Variants in BAHCC1 observed in about 807,000 individuals in gnomAD.
BAHCC1 encodes BAH and coiled-coil domain-containing protein 1.
BAHCC1 carries 43 observed loss-of-function variants against 88.2 expected under a neutral mutation model. That is an observed-to-expected ratio of 0.49 (90% CI 0.38 to 0.63). The LOEUF is 0.63. Ranked by LOEUF, BAHCC1 falls within the 20% of genes least tolerant of loss-of-function variation. The pLI is 0.00. For synonymous variants in BAHCC1, 1,510 were observed against 745.5 expected (o/e 2.03, Z -16.71); for missense variants, 3,023 against 1,654.8 (o/e 1.83, Z -14.34).
chr17:81,458,376 C>T lies in BAHCC1; in HGVS notation c.5253C>T (p.Ala1751=). Residue 1751 remains alanine, a synonymous_variant, in exon 18 of 28, where the codon GCC becomes GCT. Coordinates refer to ENST00000675386, the MANE Select transcript of BAHCC1 (RefSeq NM_001377448.1). ...ACGCCCTCTTCAACCCCTCTCGGGC[C>T]TTCGCCTGCCGTGAGGAGGGCAGCC... The part of the protein sequence containing the change: ...SRDALFNPSR[A]FACREEGSQL... The T allele has an allele frequency of 4.1e-6, 3 of 724,568 alleles. No individual in the cohort carries two copies. Among genetic ancestry groups the T allele is most frequent in the South Asian group, 2.9e-5 (2 of 68,196 alleles). 44.9% of individuals were successfully genotyped at this position (724,568 alleles called of 1,614,324 possible).
At chr17:81,424,251 T>C (rs575487677) in intron 2 of BAHCC1, among the ~76,000 whole-genome samples, 1 of 152,336 alleles carries the variant, frequency 6.6e-6, no homozygotes, top group African/African-American at 2.4e-5. Context: ...CAGTGCTGCC[T>C]GGAGGGGCCG....
At position 81,444,586 on chromosome 17, in the gene BAHCC1, G is replaced by C; in HGVS notation, c.2512+18G>C. The C allele has an allele frequency of 1.4e-6, 1 of 738,266 alleles. No homozygotes were observed. 45.7% of individuals were successfully genotyped at this position (738,266 alleles called of 1,614,324 possible). On this transcript the variant is annotated intron_variant, in intron 7 of 27. Coordinates refer to ENST00000675386, the MANE Select transcript of BAHCC1 (RefSeq NM_001377448.1). ...CTCCTACGGTCAGTGATCCAAGGGC[G>C]GGGGCTGGCCTGGGGCTGATGAGGG...
chr17:81,406,620 C>T (rs544868397), intron 2 of BAHCC1, among the ~76,000 whole-genome samples: 12 of 152,238 alleles, frequency 7.9e-5, no homozygotes, highest in African/African-American at 2.9e-4. Context: ...GGATAATATA[C>T]CGTTTCGCTC....
intron 2 of BAHCC1, among the ~76,000 whole-genome samples, chr17:81,410,364 A>G (rs1254346290): frequency 1.3e-5 from 2 of 152,154 alleles, no homozygotes; most frequent in East Asian, 3.9e-4. Context: ...GTGTCCATCG[A>G]GGGATTCTGT....
chr17:81,399,146 T>TGTGTGTGTGTGC lies in BAHCC1; in HGVS notation c.-206-381_-206-380insTGTGCGTGTGTG, dbSNP rs1439091217. 2.9e-5 allele frequency: 11 copies of TGTGTGTGTGTGC among 378,252 alleles called. No individual in the cohort carries two copies. The highest frequency in any genetic ancestry group is 4.8e-4 in the Middle Eastern group (1 of 2,074). 23.4% of individuals were successfully genotyped at this position (378,252 alleles called of 1,614,324 possible). ...GCGTGTGAGTGTGTGTGTGTGTGTG[T>TGTGTGTGTGTGC]GTGTGTGCGAGTGTGCGTGATGGCT... On this transcript the variant is annotated intron_variant, in intron 1 of 27. Transcript: ENST00000675386. The surrounding 1 kb of genome is among the most constrained non-coding windows in gnomAD (Gnocchi z 4.5).
chr17:81,460,128 G>C, intron 23 of BAHCC1, 149 bp from the exon 24 acceptor site: 1 of 617,952 alleles, frequency 1.6e-6, no homozygotes, highest in Non-Finnish European at 2.9e-6. Flanking sequence ...CCGCTCCTGG[G>C]CTGCAGGGCG....
chr17:81,445,261 C>T lies in BAHCC1; in HGVS notation c.2835+83C>T. 2 of 720,782 alleles carry T rather than the reference C, an allele frequency of 2.8e-6. 1 individual carries two copies. Among genetic ancestry groups the T allele is most frequent in the South Asian group, 2.9e-5 (2 of 68,128 alleles). The allele number at this position is 720,782 out of a possible 1,614,324, so 44.6% of individuals were successfully genotyped here. On this transcript the variant is annotated intron_variant, in intron 9 of 27. Transcript: ENST00000675386. ...CGGACCTGGCTCCAGGAGACCCCTGCATGCCTGGCCTCTGGCAGGATGAAC... is the reference window on the plus strand; with the variant it reads ...CGGACCTGGCTCCAGGAGACCCCTGTATGCCTGGCCTCTGGCAGGATGAAC...
At chr17:81,452,536 A>G (rs561689100) in intron 13 of BAHCC1, among the ~76,000 whole-genome samples, 187 bp from the exon 14 acceptor site, 3 of 139,080 alleles carry the variant, frequency 2.2e-5, no homozygotes, top group Admixed American at 2.1e-4. Flanking sequence ...GGATGGTAGG[A>G]GGTGGGGGCG....
Position 81,447,592 on chromosome 17 carries a change from AGAG to A in BAHCC1, c.3726_3728del (p.Glu1242del), listed in dbSNP as rs782782149. 6.6e-6 allele frequency: 5 copies of A among 753,392 alleles called. No homozygotes were observed. The highest frequency in any genetic ancestry group is 1.8e-5 in the Admixed American group (1 of 54,814). 46.7% of individuals were successfully genotyped at this position (753,392 alleles called of 1,614,324 possible). ...TGGGGCAGCAGAGCATGGAGGACTCAGAGGAGGACTGTGGCGGAGCTCCCGACA... is the reference window on the plus strand; with the variant it reads ...TGGGGCAGCAGAGCATGGAGGACTCAGAGGACTGTGGCGGAGCTCCCGACA... On this transcript the variant is annotated inframe_deletion, in exon 11 of 28. Transcript: ENST00000675386.
chr17:81,421,992 G>A (rs571808719), intron 2 of BAHCC1: 1 of 381,278 alleles, frequency 2.6e-6, no homozygotes, highest in African/African-American at 2.2e-5. Context: ...CGGGGTCTCG[G>A]GTGACTCCGC....
intron 11 of BAHCC1, among the ~76,000 whole-genome samples, chr17:81,450,720 C>T (rs533576121): frequency 4.0e-4 from 61 of 152,282 alleles, no homozygotes; most frequent in African/African-American, 1.4e-3. Flanking sequence ...TGAGAAGGGT[C>T]ACAGCAGATG....
At position 81,433,077 on chromosome 17, in the gene BAHCC1, G is replaced by A. The variant is rs946011478; in HGVS notation, c.359-5293G>A. Reference sequence around the variant, plus strand: ...GGAACAGATGGAGCTGGCCCGGCCCGCCCCTGAGGCAGCTGTGGGTCACCA... The same window carrying A: ...GGAACAGATGGAGCTGGCCCGGCCCACCCCTGAGGCAGCTGTGGGTCACCA... On this transcript the variant is annotated intron_variant, in intron 3 of 27. Transcript: ENST00000675386. Among the ~76,000 whole-genome samples the A allele has an allele frequency of 9.9e-5, 15 of 151,072 alleles. No homozygotes were observed. The East Asian group carries it at 1.8e-3, about 18-fold the overall frequency.
intron 2 of BAHCC1, among the ~76,000 whole-genome samples, chr17:81,403,919 G>GA (rs2063848597): frequency 6.6e-6 from 1 of 152,232 alleles, no homozygotes; most frequent in Non-Finnish European, 1.5e-5. Context: ...CTGCCACCAC[G>GA]TCTGATTATC....
intron 2 of BAHCC1, chr17:81,402,053 C>T (rs1191645082): frequency 1.3e-5 from 2 of 152,334 alleles, no homozygotes; most frequent in African/African-American, 4.8e-5. Context: ...TGGCCTGTGT[C>T]CTCCCTGCTT....
chr17:81,443,284 G>A lies in BAHCC1; in HGVS notation c.1935G>A (p.Val645=), dbSNP rs1368772011. Reference sequence around the variant, plus strand: ...TCAAATACAGCAGCCAGGCCCTGGTGGTGGGCCAGAAAGCACCCTTGGTGG... The same window carrying A: ...TCAAATACAGCAGCCAGGCCCTGGTAGTGGGCCAGAAAGCACCCTTGGTGG... ...NLLKYSSQAL[V]VGQKAPLVGL... Residue 645 remains valine (V), a synonymous_variant, in exon 5 of 28, where the codon GTG becomes GTA. Transcript: ENST00000675386. 1 of 779,518 alleles carries A rather than the reference G, an allele frequency of 1.3e-6. No homozygotes were observed. The highest frequency in any genetic ancestry group is 2.4e-5 in the East Asian group (1 of 41,254). The allele number at this position is 779,518 out of a possible 1,614,324, so 48.3% of individuals were successfully genotyped here. A position where few individuals can be genotyped will look rare whatever the true frequency, so the allele number is the denominator to read the frequency against.
At chr17:81,397,332 G>A (rs1311416271) in intron 1 of BAHCC1, among the ~76,000 whole-genome samples, 1 of 150,512 alleles carries the variant, frequency 6.6e-6, no homozygotes, top group African/African-American at 2.4e-5. Flanking sequence ...TCGTAGCCGA[G>A]CCCGCGTCCC....
intron 2 of BAHCC1, among the ~76,000 whole-genome samples, chr17:81,410,285 C>A (rs1453274875): frequency 6.6e-6 from 1 of 152,160 alleles, no homozygotes; most frequent in Non-Finnish European, 1.5e-5. Context: ...GTGGGGCCTC[C>A]CCCCTGGGCA....
intron 3 of BAHCC1, among the ~76,000 whole-genome samples, chr17:81,427,254 C>G (rs1598473902): frequency 1.3e-5 from 2 of 152,192 alleles, no homozygotes; most frequent in Admixed American, 1.3e-4. Flanking sequence ...CCAGGAGGGG[C>G]TCTGGGGAGC....
Position 81,445,621 on chromosome 17 carries a change from G to A in BAHCC1, c.3103G>A (p.Ala1035Thr), listed in dbSNP as rs368906845. 1.1e-3 allele frequency: 815 copies of A among 732,424 alleles called. 8 individuals carry two copies. The highest frequency in any genetic ancestry group is 7.6e-3 in the South Asian group (521 of 68,450). 45.4% of individuals were successfully genotyped at this position (732,424 alleles called of 1,614,324 possible). A position where few individuals can be genotyped will look rare whatever the true frequency, so the allele number is the denominator to read the frequency against. Residue 1035 changes from alanine (A) to threonine (T), a missense_variant, in exon 10 of 28, where the codon GCC becomes ACC. Coordinates refer to ENST00000675386, the MANE Select transcript of BAHCC1 (RefSeq NM_001377448.1). ...CGGGCCTGGCTCCCGGGTGCGCAGC[G>A]CCGAGGAAAAGAATGGGGAGGGTCA... is the stretch of plus-strand genomic sequence containing the variant. ...SPGPGSRVRS[A>T]EEKNGEGQQS...
Sources: gnomAD v4.1 joint callset for allele counts (sites outside exome capture counted in the v4.1 genomes callset) on GRCh38, gnomAD v4.1.1 for gene constraint, Gnocchi (gnomAD v3.1) non-coding constraint, MANE v1.5 for transcripts, NCBI Gene and HGNC (gene_info 2026-07-23, HGNC 2026-07-21) for gene names.